TENM3: variants seen among roughly 807,000 people sequenced by gnomAD.
TENM3 encodes the protein teneurin-3.
Under a neutral mutation model 255.1 loss-of-function variants are expected in TENM3, and 63 were observed. The ratio of observed to expected loss-of-function variants is 0.25; its 90% CI spans 0.20 to 0.30. TENM3 has a LOEUF of 0.30. Ranked by LOEUF, TENM3 falls within the 10% of genes least tolerant of loss-of-function variation. TENM3 has a pLI of 1.00. For synonymous variants in TENM3, 1,306 were observed against 1,322.3 expected, an observed-to-expected ratio of 0.99 and a Z score of 0.27; for missense variants, 2,929 against 3,461.1, an observed-to-expected ratio of 0.85 and a Z score of 3.86.
chr4:181,517,844 T>C, the TENM3 span, among the ~76,000 whole-genome samples: 2 of 152,216 alleles, frequency 1.3e-5, no homozygotes, highest in Non-Finnish European at 1.5e-5. Context: ...GTTTGGATAA[T>C]ATCTTGGTGT....
chr4:181,782,206 TC>T, the TENM3 span, among the ~76,000 whole-genome samples: 1 of 152,198 alleles, frequency 6.6e-6, no homozygotes, highest in Non-Finnish European at 1.5e-5. Flanking sequence ...TAGCAGTTCC[TC>T]CTCGTACCTC....
intron 1 of TENM3, among the ~76,000 whole-genome samples, chr4:182,317,461 G>GT (rs112656148): frequency 0.1 from 15,634 of 150,692 alleles, 841 homozygotes; most frequent in East Asian, 0.15. Flanking sequence ...CACTGTGCCT[G>GT]TTTTTTTTTG....
At chr4:182,437,029 CAAAA>C (rs34721873) in intron 3 of TENM3, among the ~76,000 whole-genome samples, 2 of 136,728 alleles carry the variant, frequency 1.5e-5, no homozygotes, top group African/African-American at 2.7e-5. Flanking sequence ...ACTCCGCCTC[CAAAA>C]AAAAAAAAAA....
the TENM3 span, among the ~76,000 whole-genome samples, chr4:181,601,274 T>C: frequency 6.6e-6 from 1 of 152,212 alleles, no homozygotes; most frequent in Non-Finnish European, 1.5e-5. Context: ...TCTTCTAGCT[T>C]CTGGTAGTTA....
At chr4:182,515,631 G>C (rs1226607971) in intron 3 of TENM3, among the ~76,000 whole-genome samples, 4 of 152,130 alleles carry the variant, frequency 2.6e-5, no homozygotes, top group South Asian at 2.1e-4. Flanking sequence ...AGTTTGGAGA[G>C]ACTTAATATC....
At chr4:181,878,399 T>C in the TENM3 span, among the ~76,000 whole-genome samples, 1 of 152,086 alleles carries the variant, frequency 6.6e-6, no homozygotes, top group Non-Finnish European at 1.5e-5. Flanking sequence ...ACATCAAGGA[T>C]AGTCTGGTCT....
At chr4:181,885,677 A>G in the TENM3 span, among the ~76,000 whole-genome samples, 1 of 152,244 alleles carries the variant, frequency 6.6e-6, no homozygotes, top group Admixed American at 6.5e-5. Context: ...TATAAAAATA[A>G]TTCATAGAGA....
chr4:182,624,836 C>T (rs1425586935), intron 4 of TENM3, among the ~76,000 whole-genome samples: 2 of 152,116 alleles, frequency 1.3e-5, no homozygotes, highest in African/African-American at 4.8e-5. Context: ...AACATGCTTT[C>T]AATAGTACTT....
intron 3 of TENM3, among the ~76,000 whole-genome samples, chr4:182,543,162 G>GATGGATGC (rs1378700964): frequency 6.6e-6 from 1 of 152,002 alleles, no homozygotes; most frequent in Non-Finnish European, 1.5e-5. Flanking sequence ...GGGATGCATG[G>GATGGATGC]ATGGATGCAT....
intron 3 of TENM3, among the ~76,000 whole-genome samples, chr4:182,396,590 C>A (rs1425986527): frequency 1.3e-5 from 2 of 152,148 alleles, no homozygotes; most frequent in East Asian, 1.9e-4. Context: ...TTACTTTGAT[C>A]ATTTTTAAAT....
intron 1 of TENM3, among the ~76,000 whole-genome samples, chr4:182,167,578 A>G (rs959777419): frequency 2.0e-5 from 3 of 152,232 alleles, no homozygotes; most frequent in Non-Finnish European, 4.4e-5. Flanking sequence ...AATAACATTT[A>G]AATTTTCTTG....
the TENM3 span, among the ~76,000 whole-genome samples, chr4:181,926,520 T>C: frequency 1.6e-3 from 247 of 152,260 alleles, 2 homozygotes; most frequent in Non-Finnish European, 3.0e-3. Flanking sequence ...GGTAAGTTTG[T>C]CTAAGACCAA....
chr4:182,637,675 A>G (rs527748004), intron 5 of TENM3, among the ~76,000 whole-genome samples: 1 of 152,360 alleles, frequency 6.6e-6, no homozygotes, highest in African/African-American at 2.4e-5. Flanking sequence ...ACCATGGGTC[A>G]GACACTGTGA....
At chr4:182,475,279 A>G (rs1561486734) in intron 3 of TENM3, among the ~76,000 whole-genome samples, 1 of 152,108 alleles carries the variant, frequency 6.6e-6, no homozygotes, top group East Asian at 1.9e-4. Flanking sequence ...AAAGTTGGTT[A>G]TTTTTTAAAA....
the TENM3 span, among the ~76,000 whole-genome samples, chr4:181,633,712 T>A: frequency 6.6e-6 from 1 of 152,236 alleles, no homozygotes; most frequent in Non-Finnish European, 1.5e-5. Flanking sequence ...ACTACTAATA[T>A]GTCCTTTTTC....
At chr4:182,492,943 G>A (rs1169615427) in intron 3 of TENM3, among the ~76,000 whole-genome samples, 1 of 151,860 alleles carries the variant, frequency 6.6e-6, no homozygotes, top group East Asian at 1.9e-4. Flanking sequence ...ATATTACAAG[G>A]ATAGGTATTT....
At chr4:182,402,644 T>C (rs1408902026) in intron 3 of TENM3, among the ~76,000 whole-genome samples, 3 of 152,210 alleles carry the variant, frequency 2.0e-5, no homozygotes, top group East Asian at 1.9e-4. Context: ...TCGGTTTTCA[T>C]TGGAATTTTT....
At chr4:182,123,378 C>A in the TENM3 span, among the ~76,000 whole-genome samples, 1 of 152,204 alleles carries the variant, frequency 6.6e-6, no homozygotes, top group Non-Finnish European at 1.5e-5. Flanking sequence ...TACCCGCCTT[C>A]CTCACTAAGC....
the TENM3 span, among the ~76,000 whole-genome samples, chr4:181,973,056 C>G: frequency 6.6e-6 from 1 of 152,050 alleles, no homozygotes; most frequent in Non-Finnish European, 1.5e-5. Context: ...ATAAATGGAC[C>G]ATAAGAATGA....
Sources: allele counts gnomAD v4.1 joint callset (sites outside exome capture counted in the v4.1 genomes callset), GRCh38; gene constraint gnomAD v4.1.1; transcripts MANE v1.5; gene names NCBI Gene and HGNC (gene_info 2026-07-23, HGNC 2026-07-21).